Variants in WBP1L observed in about 807,000 individuals in gnomAD.
WBP1L encodes WW domain binding protein 1 like, also known as WW domain binding protein 1-like.
In WBP1L, 17 loss-of-function variants were observed where a neutral mutation model predicts 33.7. The ratio of observed to expected loss-of-function variants is 0.50; its 90% CI spans 0.34 to 0.76. WBP1L has a LOEUF of 0.76. WBP1L is among the 30% of genes least tolerant of loss of function. WBP1L has a pLI of 0.01. For synonymous variants in WBP1L, 173 were observed against 190.8 expected (o/e 0.91, Z 0.77); for missense variants, 389 against 469.4 (o/e 0.83, Z 1.58).
chr10:102,769,743 G>A (rs1332147761), intron 1 of WBP1L, among the ~76,000 whole-genome samples: 1 of 152,196 alleles, frequency 6.6e-6, no homozygotes, highest in Admixed American at 6.6e-5. Context: ...ACGTCACTGT[G>A]TAAAATATGA....
rs112246081 is a variant in WBP1L, at chr10:102,816,105, T to C, written c.*2774T>C. 2 of 152,760 alleles carry C rather than the reference T, an allele frequency of 1.3e-5. No homozygotes were observed. Among genetic ancestry groups the C allele is most frequent in the African/African-American group, 4.8e-5 (2 of 41,570 alleles). The allele number at this position is 152,760 out of a possible 1,614,324, so 9.5% of individuals were successfully genotyped here. A position where few individuals can be genotyped will look rare whatever the true frequency, so the allele number is the denominator to read the frequency against. ...TTCCTGTGTGAGGCACGTTACCCTTTGTCAGTTATTGTGAATATGTGTATT... is the reference window on the plus strand; with the variant it reads ...TTCCTGTGTGAGGCACGTTACCCTTCGTCAGTTATTGTGAATATGTGTATT... On this transcript the variant is annotated 3_prime_UTR_variant, in exon 4 of 4. Transcript: ENST00000448841.
chr10:102,810,451 CCCTTCTTTTCCTT>C (rs1843816472), intron 3 of WBP1L, among the ~76,000 whole-genome samples: 1 of 134,484 alleles, frequency 7.4e-6, no homozygotes, highest in Non-Finnish European at 1.6e-5. Context: ...CTCCCTCCCT[CCCTTCTTTTCCTT>C]CCTTCCTTCC....
At chr10:102,800,402 G>T (rs984588865) in intron 2 of WBP1L, among the ~76,000 whole-genome samples, 7 of 152,184 alleles carry the variant, frequency 4.6e-5, no homozygotes, top group African/African-American at 1.4e-4. Flanking sequence ...CCAGGGCAGG[G>T]GGGTGGAGTG....
At chr10:102,806,720 C>T (rs889957486) in intron 2 of WBP1L, among the ~76,000 whole-genome samples, 2 of 152,144 alleles carry the variant, frequency 1.3e-5, no homozygotes, top group Non-Finnish European at 2.9e-5. Flanking sequence ...GGTTGAACAG[C>T]GATACCCACT....
At chr10:102,784,819 C>G (rs996843580) in intron 1 of WBP1L, among the ~76,000 whole-genome samples, 4 of 152,002 alleles carry the variant, frequency 2.6e-5, no homozygotes, top group African/African-American at 9.7e-5. Context: ...CTTCAGCCTC[C>G]CAAAGTGCTG....
Position 102,763,207 on chromosome 10 carries a change from C to CAAAA in WBP1L, c.90+19081_90+19084dup, listed in dbSNP as rs36003893. On this transcript the variant is annotated intron_variant, in intron 1 of 3. Transcript: ENST00000448841. The stretch of plus-strand genomic sequence containing the variant: ...GGGTGACAGAGTGAAACTTTTGTCT[C>CAAAA]AAAAAAAAAAAAAAAAAAAAGAATT... 3.4e-3 allele frequency among the ~76,000 whole-genome samples: 317 copies of CAAAA among 93,778 alleles called. 4 individuals are homozygous for CAAAA. The highest frequency in any genetic ancestry group is 0.022 in the East Asian group (62 of 2,824). 61.5% of individuals were successfully genotyped at this position (93,778 alleles called of 152,430 possible). A position where few individuals can be genotyped will look rare whatever the true frequency, so the allele number is the denominator to read the frequency against.
chr10:102,785,250 C>T (rs1436903149), intron 1 of WBP1L, among the ~76,000 whole-genome samples: 2 of 143,060 alleles, frequency 1.4e-5, no homozygotes, highest in Admixed American at 1.5e-4. Context: ...TGCAGTAGTG[C>T]GATTTCGGCT....
chr10:102,776,179 G>T, intron 1 of WBP1L: 1 of 1,446,660 alleles, frequency 6.9e-7, no homozygotes, highest in Non-Finnish European at 9.1e-7. Flanking sequence ...GGTGGGGGTG[G>T]GCCAGAGCCA....
At chr10:102,798,485 C>T (rs1327987079) in intron 2 of WBP1L, among the ~76,000 whole-genome samples, 1 of 151,926 alleles carries the variant, frequency 6.6e-6, no homozygotes, top group Non-Finnish European at 1.5e-5. Context: ...GGAGTGCAGG[C>T]GCAACCTCAG....
At chr10:102,779,502 T>C (rs114089101) in intron 1 of WBP1L, among the ~76,000 whole-genome samples, 78 of 152,026 alleles carry the variant, frequency 5.1e-4, no homozygotes, top group African/African-American at 1.8e-3. Flanking sequence ...GGTTTCACCA[T>C]GGCTGGCCAG....
intron 1 of WBP1L, among the ~76,000 whole-genome samples, chr10:102,753,190 C>G (rs1842941388): frequency 6.6e-6 from 1 of 152,118 alleles, no homozygotes; most frequent in Non-Finnish European, 1.5e-5. Context: ...GATGGATTAT[C>G]CTGCCTCCGC....
intron 1 of WBP1L, among the ~76,000 whole-genome samples, chr10:102,789,410 T>C (rs1590184063): frequency 6.6e-6 from 1 of 152,230 alleles, no homozygotes; most frequent in African/African-American, 2.4e-5. Flanking sequence ...AGCTTGTTTC[T>C]GCCCTGGTGT....
chr10:102,805,233 G>C (rs746365763), intron 2 of WBP1L, among the ~76,000 whole-genome samples: 8 of 152,096 alleles, frequency 5.3e-5, no homozygotes, highest in Non-Finnish European at 1.2e-4. Context: ...GTGAGTTCTG[G>C]TCTCTACTGT....
intron 1 of WBP1L, chr10:102,776,288 G>T: frequency 1.2e-6 from 2 of 1,610,686 alleles, no homozygotes; most frequent in Non-Finnish European, 1.7e-6. Context: ...CGGTGAACCA[G>T]GACCACCGCA....
chr10:102,808,814 G>A (rs548535669), intron 2 of WBP1L, among the ~76,000 whole-genome samples: 1 of 152,258 alleles, frequency 6.6e-6, no homozygotes, highest in African/African-American at 2.4e-5. Flanking sequence ...TTTGTCAGGG[G>A]GCCCCTCTGA....
intron 1 of WBP1L, among the ~76,000 whole-genome samples, chr10:102,791,719 G>T (rs1482792653): frequency 6.6e-6 from 1 of 152,176 alleles, no homozygotes; most frequent in Non-Finnish European, 1.5e-5. Context: ...CAGCAGCCAA[G>T]ATATTTGGTG....
At chr10:102,807,542 G>T (rs1452833757) in intron 2 of WBP1L, among the ~76,000 whole-genome samples, 1 of 151,924 alleles carries the variant, frequency 6.6e-6, no homozygotes, top group Non-Finnish European at 1.5e-5. Context: ...GCTAATTTTT[G>T]TATTTATTTT....
intron 1 of WBP1L, among the ~76,000 whole-genome samples, chr10:102,785,214 G>A (rs1189290658): frequency 3.2e-4 from 38 of 118,080 alleles, no homozygotes; most frequent in Admixed American, 9.2e-4. Context: ...ACAGAGTTTC[G>A]ATCTTGTTGT....
At chr10:102,788,112 C>T (rs1448215070) in intron 1 of WBP1L, among the ~76,000 whole-genome samples, 4 of 149,226 alleles carry the variant, frequency 2.7e-5, no homozygotes, top group South Asian at 2.1e-4. Flanking sequence ...TCAGGGAGAA[C>T]GTGATCTTAA....
Sources: allele counts gnomAD v4.1 joint callset (sites outside exome capture counted in the v4.1 genomes callset), GRCh38; gene constraint gnomAD v4.1.1; transcripts MANE v1.5; gene names NCBI Gene and HGNC (gene_info 2026-07-23, HGNC 2026-07-21).